Variants in LOC400499 observed in about 807,000 individuals in gnomAD.
At chr16:11,482,296 A>G in the LOC400499 span, among the ~76,000 whole-genome samples, 88 of 152,208 alleles carry the variant, frequency 5.8e-4, no homozygotes, top group African/African-American at 2.0e-3. Flanking sequence ...TGAACTGAGG[A>G]GCTGGGGGTA....
chr16:11,459,547 AACC>A, the LOC400499 span, among the ~76,000 whole-genome samples: 384 of 152,302 alleles, frequency 2.5e-3, 1 homozygote, highest in African/African-American at 8.9e-3. Flanking sequence ...GCTGTGTAAG[AACC>A]ACCACCTGTT....
chr16:11,463,836 T>G, the LOC400499 span, among the ~76,000 whole-genome samples: 2 of 152,144 alleles, frequency 1.3e-5, no homozygotes, highest in Admixed American at 6.6e-5. Flanking sequence ...CGTGTGTTTA[T>G]GGACATGTAT....
At chr16:11,463,430 A>C in the LOC400499 span, among the ~76,000 whole-genome samples, 2 of 142,152 alleles carry the variant, frequency 1.4e-5, no homozygotes, top group African/African-American at 4.9e-5. Context: ...GTATCTGTAC[A>C]TGGATGTGTG....
the LOC400499 span, among the ~76,000 whole-genome samples, chr16:11,524,866 G>A: frequency 6.6e-6 from 1 of 151,998 alleles, no homozygotes. Context: ...TATGCATTAA[G>A]CAGGCATTCA....
At chr16:11,410,737 T>G in the LOC400499 span, among the ~76,000 whole-genome samples, 3 of 152,262 alleles carry the variant, frequency 2.0e-5, no homozygotes, top group Non-Finnish European at 4.4e-5. Context: ...TACTGTGTGC[T>G]GGGCCCTGTG....
At chr16:11,478,728 T>A in the LOC400499 span, 1 of 398,934 alleles carries the variant, frequency 2.5e-6, no homozygotes. Context: ...ACAGTCAGGG[T>A]TAGCAGAGTG....
the LOC400499 span, among the ~76,000 whole-genome samples, chr16:11,423,885 T>A: frequency 1.3e-5 from 2 of 152,118 alleles, no homozygotes; most frequent in Non-Finnish European, 2.9e-5. Context: ...GAGGGCAGGG[T>A]ACCCTGCAGC....
the LOC400499 span, chr16:11,459,835 C>A: frequency 4.8e-6 from 6 of 1,259,502 alleles, no homozygotes; most frequent in Non-Finnish European, 6.0e-6. Flanking sequence ...GGGGGTTCCC[C>A]AGCTCCTACC....
chr16:11,385,154 G>A, the LOC400499 span: 1 of 1,230,458 alleles, frequency 8.1e-7, no homozygotes, highest in Non-Finnish European at 1.0e-6. Flanking sequence ...ACCTGCCATG[G>A]GCACAGGTCT....
At chr16:11,407,113 C>T in the LOC400499 span, 1 of 397,624 alleles carries the variant, frequency 2.5e-6, no homozygotes. Context: ...GGAACCGGGA[C>T]ACTAGGACAA....
the LOC400499 span, chr16:11,516,019 C>T: frequency 7.5e-6 from 3 of 399,522 alleles, no homozygotes; most frequent in Admixed American, 8.8e-5. Flanking sequence ...GTAGCCAGTC[C>T]CCATGGTGCT....
chr16:11,378,322 G>C, the LOC400499 span, among the ~76,000 whole-genome samples: 1 of 149,702 alleles, frequency 6.7e-6, no homozygotes, highest in African/African-American at 2.5e-5. Context: ...GGAGTGCAGT[G>C]GCACAATCTC....
At chr16:11,418,124 T>C in the LOC400499 span, among the ~76,000 whole-genome samples, 10 of 152,286 alleles carry the variant, frequency 6.6e-5, no homozygotes, top group East Asian at 1.9e-3. Flanking sequence ...AGAAAGACTT[T>C]GGGAAGACCA....
the LOC400499 span, among the ~76,000 whole-genome samples, chr16:11,449,441 G>A: frequency 2.0e-5 from 3 of 152,170 alleles, no homozygotes; most frequent in Non-Finnish European, 4.4e-5. Flanking sequence ...ATGCTGGCAG[G>A]TGGCCTTCTC....
the LOC400499 span, among the ~76,000 whole-genome samples, chr16:11,427,331 A>T: frequency 6.9e-6 from 1 of 145,904 alleles, no homozygotes; most frequent in Non-Finnish European, 1.5e-5. Flanking sequence ...CTGGGCAACA[A>T]GAGCGAAACT....
At chr16:11,486,058 G>C in the LOC400499 span, among the ~76,000 whole-genome samples, 5 of 151,794 alleles carry the variant, frequency 3.3e-5, no homozygotes, top group Non-Finnish European at 7.4e-5. Flanking sequence ...ATAGATGGAT[G>C]GATGTATGGA....
chr16:11,512,956 C>T, the LOC400499 span, among the ~76,000 whole-genome samples: 4 of 152,046 alleles, frequency 2.6e-5, no homozygotes, highest in African/African-American at 4.8e-5. Flanking sequence ...CAGGGGGTGC[C>T]GGGAGCCTGC....
At chr16:11,399,258 T>G in the LOC400499 span, 1 of 985,206 alleles carries the variant, frequency 1.0e-6, no homozygotes, top group African/African-American at 1.7e-5. Flanking sequence ...CCGTTCCCCT[T>G]GCTTTTCTTG....
At chr16:11,374,244 TTATAACTATGGTGTTCATAG>T in the LOC400499 span, among the ~76,000 whole-genome samples, 1 of 152,306 alleles carries the variant, frequency 6.6e-6, no homozygotes, top group East Asian at 1.9e-4. Context: ...GTGTTTGGTT[TTATAACTATGGTGTTCATAG>T]GTAAAATGTT....
Sources: allele counts gnomAD v4.1 joint callset (sites outside exome capture counted in the v4.1 genomes callset), GRCh38; gene constraint gnomAD v4.1.1; transcripts MANE v1.5.